PANK4: variants seen among roughly 807,000 people sequenced by gnomAD.
PANK4 encodes 4'-phosphopantetheine phosphatase.
Under a neutral mutation model 87.9 loss-of-function variants are expected in PANK4, and 40 were observed. The observed-to-expected ratio is 0.46, with a 90% CI of 0.35 to 0.59. PANK4 has a LOEUF of 0.59. PANK4 is among the 20% of genes least tolerant of loss of function. PANK4 has a pLI of 0.00. For missense variants in PANK4, 926 were observed against 1,072.3 expected, an observed-to-expected ratio of 0.86 and a Z score of 1.90; for synonymous variants, 524 against 467.4, an observed-to-expected ratio of 1.12 and a Z score of -1.56.
intron 9 of PANK4, among the ~76,000 whole-genome samples, chr1:2,517,231 AG>A (rs1189042829): frequency 1.3e-5 from 2 of 152,224 alleles, no homozygotes; most frequent in East Asian, 1.9e-4. Context: ...AAGGCAGACC[AG>A]GGCTGCGGCC....
In PANK4 at chr1:2,520,594, C is replaced by G; in HGVS notation, c.606+129G>C. On this transcript the variant is annotated intron_variant, in intron 4 of 18. Coordinates refer to ENST00000378466, the MANE Select transcript of PANK4 (RefSeq NM_018216.4). This position sits in a 1 kb window ranked among gnomAD's most constrained non-coding sequence, Gnocchi z 6.2. ...CCCTCCCACAGAGGCTCTGAGCTCA[C>G]AGCCTCGCCACCCCCCTCCCGCCCA... is the stretch of plus-strand genomic sequence containing the variant. 1.9e-6 allele frequency: 2 copies of G among 1,072,220 alleles called. No homozygotes were observed. Among genetic ancestry groups the G allele is most frequent in the South Asian group, 1.4e-5 (1 of 69,242 alleles). The allele number at this position is 1,072,220 out of a possible 1,614,324, so 66.4% of individuals were successfully genotyped here.
intron 1 of PANK4, among the ~76,000 whole-genome samples, chr1:2,525,377 T>TG (rs1479162915): frequency 3.3e-5 from 5 of 151,876 alleles, no homozygotes; most frequent in Non-Finnish European, 7.4e-5. Context: ...GCTGCTCTTG[T>TG]GGGATTCACA....
intron 1 of PANK4, chr1:2,525,790 C>T (rs1238648709): frequency 6.6e-6 from 1 of 152,320 alleles, no homozygotes; most frequent in Non-Finnish European, 1.5e-5. Context: ...GAGGCCAGGG[C>T]AGAAGTGCAG....
rs1570529707 is a variant in PANK4, at chr1:2,509,800, G to A, written c.2108+62C>T. On this transcript the variant is annotated intron_variant, in intron 18 of 18. Transcript: ENST00000378466. The surrounding 1 kb of genome is among the most constrained non-coding windows in gnomAD (Gnocchi z 4.9). Reference sequence around the variant, plus strand: ...GTGTCCCGCATGCACCTGGGTGCAGGTGCACGGCACAGAGGGCACAGAGCC... The same window carrying A: ...GTGTCCCGCATGCACCTGGGTGCAGATGCACGGCACAGAGGGCACAGAGCC... 6.8e-7 allele frequency: 1 copy of A among 1,466,862 alleles called. No individual in the cohort carries two copies. Among genetic ancestry groups the A allele is most frequent in the Non-Finnish European group, 9.5e-7 (1 of 1,054,168 alleles). 90.9% of individuals were successfully genotyped at this position (1,466,862 alleles called of 1,614,324 possible).
Position 2,521,131 on chromosome 1 carries a change from T to C in PANK4, c.392A>G (p.Lys131Arg), listed in dbSNP as rs1460007659. ...QATGGGAYKF[K>R]DLIEEKLRLK... ...CCGCAGCTTCTCTTCGATGAGGTCT[T>C]TGAACTTGTAGGCCCCGCCCCCGGT... is the stretch of plus-strand genomic sequence containing the variant. The change falls in exon 3 of 19, where the codon AAA becomes AGA. Residue 131 changes from lysine to arginine, a missense_variant. Transcript: ENST00000378466. The C allele has an allele frequency of 8.1e-6, 13 of 1,613,572 alleles. No homozygotes were observed. The highest frequency in any genetic ancestry group is 8.0e-5 in the African/African-American group (6 of 74,878).
chr1:2,519,145 T>G lies in PANK4; in HGVS notation c.1033A>C (p.Lys345Gln). ...TITYSINFFS[K>Q]GEVQALFLRH... ...GGGGAGGGCGGCGCATCCGTTACCT[T>G]GGAGAAGAAGTTGATGCTATAGGTG... is the stretch of plus-strand genomic sequence containing the variant. The change falls in exon 7 of 19, where the codon AAG becomes CAG. Residue 345 changes from lysine (K) to glutamine (Q), a missense_variant and splice_region_variant. Physicochemically the swap from Lys to Gln is moderately conservative, Grantham distance 53. Coordinates refer to ENST00000378466, the MANE Select transcript of PANK4 (RefSeq NM_018216.4). This position sits in a 1 kb window ranked among gnomAD's most constrained non-coding sequence, Gnocchi z 8.3. The G allele has an allele frequency of 8.1e-6, 13 of 1,610,900 alleles. No individual in the cohort carries two copies. Among genetic ancestry groups the G allele is most frequent in the Non-Finnish European group, 1.1e-5 (13 of 1,178,870 alleles).
In PANK4 at chr1:2,514,372, G is replaced by A; in HGVS notation, c.1469C>T (p.Thr490Ile). The A allele has an allele frequency of 1.2e-6, 2 of 1,611,934 alleles. No homozygotes were observed. Among genetic ancestry groups the A allele is most frequent in the African/African-American group, 1.3e-5 (1 of 74,980 alleles). ...FRQKYWNKLQ[T>I]LRQQPFAYGT... The stretch of plus-strand genomic sequence containing the variant: ...CACTTACAAGGGCTGCTGCCTCAGG[G>A]TCTGAAGCTTGTTCCAGTACTTCTG... The change falls in exon 11 of 19, where the codon ACC (threonine) becomes ATC (isoleucine). Residue 490 changes from threonine to isoleucine, a missense_variant. Coordinates refer to ENST00000378466, the MANE Select transcript of PANK4 (RefSeq NM_018216.4).
intron 1 of PANK4, among the ~76,000 whole-genome samples, chr1:2,523,227 AG>A (rs1252428292): frequency 1.3e-5 from 2 of 152,212 alleles, no homozygotes; most frequent in Non-Finnish European, 2.9e-5. Flanking sequence ...CAGCCATCCC[AG>A]GGCACCTCCT....
Position 2,510,148 on chromosome 1 carries a change from C to T in PANK4, c.1948G>A (p.Ala650Thr). Reference protein sequence around the residue: ...LLLRGTEVILACNSGPALNDV... With the variant: ...LLLRGTEVILTCNSGPALNDV... Reference sequence around the variant, plus strand: ...TTCAGGGCGGGGCCTGAGTTGCACGCCAGGATGACCTGCAGGAGGAGGGCC... The same window carrying T: ...TTCAGGGCGGGGCCTGAGTTGCACGTCAGGATGACCTGCAGGAGGAGGGCC... The change falls in exon 17 of 19, where the codon GCG becomes ACG. Residue 650 changes from alanine (A) to threonine (T), a missense_variant. Transcript: ENST00000378466. The surrounding 1 kb of genome is among the most constrained non-coding windows in gnomAD (Gnocchi z 4.9). 6.2e-7 allele frequency: 1 copy of T among 1,601,030 alleles called. No homozygotes were observed. The highest frequency in any genetic ancestry group is 1.3e-5 in the African/African-American group (1 of 74,696).
At chr1:2,513,568 C>G (rs1557438764) in intron 12 of PANK4, among the ~76,000 whole-genome samples, 1 of 152,218 alleles carries the variant, frequency 6.6e-6, no homozygotes, top group African/African-American at 2.4e-5. Context: ...TAGGAGGCCT[C>G]TGGTCACTGT....
Position 2,511,379 on chromosome 1 carries a change from A to G in PANK4, c.1792T>C (p.Trp598Arg), listed in dbSNP as rs199889896. The change falls in exon 15 of 19, where the codon TGG becomes CGG. Residue 598 changes from tryptophan to arginine, a missense_variant. Coordinates refer to ENST00000378466, the MANE Select transcript of PANK4 (RefSeq NM_018216.4). Reference protein sequence around the residue: ...EAKRKLQERPWLVDSYSEWLQ... With the variant: ...EAKRKLQERPRLVDSYSEWLQ... ...CACTCGCTGTAGGAATCCACGAGCC[A>G]GGGTCTTTCTGAGACAGAGAGAGGG... The G allele has an allele frequency of 6.2e-7, 1 of 1,610,580 alleles. No individual in the cohort carries two copies. The highest frequency in any genetic ancestry group is 8.5e-7 in the Non-Finnish European group (1 of 1,177,710).
intron 1 of PANK4, among the ~76,000 whole-genome samples, chr1:2,523,740 G>C (rs1643897305): frequency 1.3e-5 from 2 of 152,354 alleles, no homozygotes; most frequent in African/African-American, 4.8e-5. Flanking sequence ...CGCACAGCAG[G>C]GAGATCTGTT....
At chr1:2,518,350 G>A (rs925378701) in intron 8 of PANK4, 86 bp from the exon 9 acceptor site, 7 of 1,041,936 alleles carry the variant, frequency 6.7e-6, no homozygotes, top group Admixed American at 2.0e-5. Context: ...GTATAAAATC[G>A]CTTATTAACT....
chr1:2,509,938 A>C lies in PANK4; in HGVS notation c.2040-8T>G. On this transcript the variant is annotated splice_polypyrimidine_tract_variant and splice_region_variant and intron_variant, in intron 17 of 18. Coordinates refer to ENST00000378466, the MANE Select transcript of PANK4 (RefSeq NM_018216.4). The surrounding 1 kb of genome is among the most constrained non-coding windows in gnomAD (Gnocchi z 4.9). ...TCTTCCTGGAGCGCAGAGCTGCCAG[A>C]TACAAGGTGGTCAGTGCCCCCAGGA... 1 of 1,610,936 alleles carries C rather than the reference A, an allele frequency of 6.2e-7. No homozygotes were observed. The highest frequency in any genetic ancestry group is 8.5e-7 in the Non-Finnish European group (1 of 1,179,282).
In PANK4 at chr1:2,518,584, G is replaced by A. The variant is rs1473275222; in HGVS notation, c.1049C>T (p.Ala350Val). ...GTAGCCTTCGTGCCTCAGAAACAGCGCCTGCACTTCCCCCTGCCGTGGCCA... is the reference window on the plus strand; with the variant it reads ...GTAGCCTTCGTGCCTCAGAAACAGCACCTGCACTTCCCCCTGCCGTGGCCA... Reference protein sequence around the residue: ...INFFSKGEVQALFLRHEGYLG... With the variant: ...INFFSKGEVQVLFLRHEGYLG... Residue 350 changes from alanine to valine, a missense_variant, in exon 8 of 19, where the codon GCG becomes GTG. Ala to Val is a moderately conservative substitution (Grantham distance 64). Transcript: ENST00000378466. 1.9e-6 allele frequency: 3 copies of A among 1,569,622 alleles called. No homozygotes were observed. The highest frequency in any genetic ancestry group is 2.4e-5 in the East Asian group (1 of 42,446).
At chr1:2,514,528 G>A in intron 10 of PANK4, 62 bp from the exon 11 acceptor site, 1 of 1,173,392 alleles carries the variant, frequency 8.5e-7, no homozygotes, top group South Asian at 1.2e-5. Flanking sequence ...GAATCCCCAC[G>A]TGACAGCAGG....
At position 2,521,093 on chromosome 1, in the gene PANK4, C is replaced by A. The variant is rs1234377933; in HGVS notation, c.422+8G>T. The A allele has an allele frequency of 1.9e-6, 3 of 1,608,880 alleles. No individual in the cohort carries two copies. The highest frequency in any genetic ancestry group is 4.5e-5 in the East Asian group (2 of 44,834). On this transcript the variant is annotated splice_region_variant and intron_variant, in intron 3 of 18. Coordinates refer to ENST00000378466, the MANE Select transcript of PANK4 (RefSeq NM_018216.4). The stretch of plus-strand genomic sequence containing the variant: ...TGTTCCTTTCTCGCCCTTGAGATCC[C>A]CACTCACTTCAGCCGCAGCTTCTCT...
At chr1:2,511,739 C>T in intron 13 of PANK4, 56 bp from the exon 14 acceptor site, 1 of 1,092,084 alleles carries the variant, frequency 9.2e-7, no homozygotes, top group Non-Finnish European at 1.4e-6. Flanking sequence ...CCTTCAGCCA[C>T]AGTGCTCAAT....
chr1:2,521,054 CG>C (rs758864656), intron 3 of PANK4, 46 bp downstream of exon 3: 1 of 1,564,930 alleles, frequency 6.4e-7, no homozygotes, highest in Non-Finnish European at 8.8e-7. Flanking sequence ...CCCAGGGACT[CG>C]GGGGCAGACA....
Sources: gnomAD v4.1 joint callset for allele counts (sites outside exome capture counted in the v4.1 genomes callset) on GRCh38, gnomAD v4.1.1 for gene constraint, Gnocchi (gnomAD v3.1) non-coding constraint, MANE v1.5 for transcripts, NCBI Gene and HGNC (gene_info 2026-07-23, HGNC 2026-07-21) for gene names.